Variants in CYP2F1 observed in about 807,000 individuals in gnomAD.
CYP2F1 encodes the protein cytochrome P450 2F1.
In CYP2F1, 33 loss-of-function variants were observed where a neutral mutation model predicts 40.4. That is an observed-to-expected ratio of 0.82 (90% CI 0.62 to 1.09). The LOEUF is 1.09. Ranked by LOEUF, CYP2F1 falls within the 50% of genes least tolerant of loss-of-function variation. The probability of loss-of-function intolerance (pLI) is 0.00; values close to 1 mark genes in which losing one functional copy is unlikely to be tolerated. For missense variants in CYP2F1, 566 were observed against 655.7 expected (o/e 0.86, Z 1.49); for synonymous variants, 235 against 277.2 (o/e 0.85, Z 1.51).
chr19:41,119,927 C>T (rs1476862834), intron 3 of CYP2F1, among the ~76,000 whole-genome samples: 4 of 151,376 alleles, frequency 2.6e-5, no homozygotes, highest in Non-Finnish European at 4.4e-5. Flanking sequence ...GGTAACAGAG[C>T]GAGACTGTGT....
intron 3 of CYP2F1, among the ~76,000 whole-genome samples, chr19:41,117,633 T>C (rs575998912): frequency 3.6e-4 from 55 of 152,108 alleles, no homozygotes; most frequent in Non-Finnish European, 6.3e-4. Context: ...CCCAACTCCA[T>C]CCACATCACC....
intron 9 of CYP2F1, 125 bp from the exon 10 acceptor site, chr19:41,127,776 G>A: frequency 1.4e-6 from 1 of 716,118 alleles, no homozygotes; most frequent in South Asian, 1.9e-5. Flanking sequence ...TCTTTACATG[G>A]GTGAATCTGT....
intron 3 of CYP2F1, among the ~76,000 whole-genome samples, chr19:41,116,844 C>T (rs534149886): frequency 1.3e-5 from 2 of 152,200 alleles, no homozygotes; most frequent in Non-Finnish European, 2.9e-5. Flanking sequence ...CACCACTCCT[C>T]ATCTCCATCC....
At position 41,116,499 on chromosome 19, in the gene CYP2F1, C is replaced by T. The variant is rs2031816764; in HGVS notation, c.216C>T (p.Pro72=). 1 of 1,613,946 alleles carries T rather than the reference C, an allele frequency of 6.2e-7. No individual in the cohort carries two copies. The highest frequency in any genetic ancestry group is 1.3e-5 in the African/African-American group (1 of 75,008). ...CCATGTACACAGTGCACCTGGGACC[C>T]AGGCGGGTGGTGGTCCTCAGCGGGT... ...YGSMYTVHLG[P]RRVVVLSGYQ... The change falls in exon 3 of 10, where the codon CCC becomes CCT. Residue 72 remains proline, a synonymous_variant. Transcript: ENST00000331105.
chr19:41,119,683 G>GTCTCCCTC (rs2032027580), intron 3 of CYP2F1, among the ~76,000 whole-genome samples: 1 of 13,410 alleles, frequency 7.5e-5, no homozygotes, highest in African/African-American at 2.6e-4. Context: ...GCAAGACTCC[G>GTCTCCCTC]TCTCTCTCTC....
At chr19:41,126,207 C>A (rs1599686078) in intron 9 of CYP2F1, among the ~76,000 whole-genome samples, 1 of 151,812 alleles carries the variant, frequency 6.6e-6, no homozygotes, top group South Asian at 2.1e-4. Context: ...GGGCAGATTA[C>A]CTGAAGTCAG....
chr19:41,123,518 C>T (rs2032358032), intron 7 of CYP2F1, among the ~76,000 whole-genome samples: 1 of 151,610 alleles, frequency 6.6e-6, no homozygotes, highest in Non-Finnish European at 1.5e-5. Flanking sequence ...ACACCCAGCT[C>T]TGCTTAGTTT....
intron 3 of CYP2F1, among the ~76,000 whole-genome samples, chr19:41,119,723 C>CTCTCTCTCTCTCTATA (rs1478574507): frequency 1.7e-4 from 6 of 35,820 alleles, no homozygotes; most frequent in Admixed American, 4.3e-4. Flanking sequence ...CTCTCTCTCT[C>CTCTCTCTCTCTCTATA]TATATATATA....
chr19:41,116,324 C>T lies in CYP2F1; in HGVS notation c.136C>T (p.Leu46Phe). The T allele has an allele frequency of 6.2e-7, 1 of 1,614,170 alleles. No individual in the cohort carries two copies. The highest frequency in any genetic ancestry group is 8.5e-7 in the Non-Finnish European group (1 of 1,180,020). ...CTCAATCCTGGGAAACCTGCTGCTG[C>T]TTTGCTCCCAAGACATGCTGACTTC... ...PLSILGNLLL[L>F]CSQDMLTSLT... Residue 46 changes from leucine to phenylalanine, a missense_variant, in exon 2 of 10, where the codon CTT becomes TTT. Physicochemically the swap from Leu to Phe is conservative, Grantham distance 22. This residue lies in a region of CYP2F1 where 264 missense variants were observed against 275.7 expected (regional missense o/e 0.96). Coordinates refer to ENST00000331105, the MANE Select transcript of CYP2F1 (RefSeq NM_000774.5).
At chr19:41,123,122 C>T (rs2032329835) in intron 7 of CYP2F1, 159 bp downstream of exon 7, 2 of 810,942 alleles carry the variant, frequency 2.5e-6, no homozygotes, top group Non-Finnish European at 2.1e-6. Context: ...CCGATCCCAC[C>T]ACATGGCCCA....
In CYP2F1 at chr19:41,122,920, G is replaced by A; in HGVS notation, c.921G>A (p.Leu307=). ...GCACCAAGACGGTGAGCACCACGCT[G>A]CACCACGCCTTCCTGGCACTCATGA... ...FGGTKTVSTT[L]HHAFLALMKY... Residue 307 remains leucine, a synonymous_variant, in exon 7 of 10, where the codon CTG becomes CTA. Transcript: ENST00000331105. 1.2e-6 allele frequency: 2 copies of A among 1,612,892 alleles called. No homozygotes were observed. Among genetic ancestry groups the A allele is most frequent in the Non-Finnish European group, 1.7e-6 (2 of 1,179,380 alleles).
In CYP2F1 at chr19:41,125,554, C is replaced by T. The variant is rs756718414; in HGVS notation, c.1214C>T (p.Pro405Leu). The stretch of plus-strand genomic sequence containing the variant: ...TACGACCCCAGCCAGTTCCTGACGC[C>T]CCAGGAGTTCAACCCCGAGCATTTT... ...VHYDPSQFLT[P>L]QEFNPEHFLD... is the part of the protein sequence containing the mutation. Residue 405 changes from proline (P) to leucine (L), a missense_variant, in exon 9 of 10, where the codon CCC becomes CTC. Transcript: ENST00000331105. 8 of 1,604,812 alleles carry T rather than the reference C, an allele frequency of 5.0e-6. No homozygotes were observed. Among genetic ancestry groups the T allele is most frequent in the Non-Finnish European group, 6.8e-6 (8 of 1,174,110 alleles).
At chr19:41,126,069 G>T (rs1410244463) in intron 9 of CYP2F1, among the ~76,000 whole-genome samples, 2 of 151,974 alleles carry the variant, frequency 1.3e-5, no homozygotes, top group Non-Finnish European at 2.9e-5. Context: ...GGAGGCGGAG[G>T]TTGCAGTGAG....
At position 41,120,371 on chromosome 19, in the gene CYP2F1, G is replaced by A. The variant is rs1437375337; in HGVS notation, c.359G>A (p.Arg120Gln). The A allele has an allele frequency of 1.5e-5, 24 of 1,609,284 alleles. No homozygotes were observed. Among genetic ancestry groups the A allele is most frequent in the Non-Finnish European group, 2.0e-5 (24 of 1,178,338 alleles). Reference protein sequence around the residue: ...GNGIAFSSGDRWKVLRQFSIQ... With the variant: ...GNGIAFSSGDQWKVLRQFSIQ... Reference sequence around the variant, plus strand: ...GGCATCGCCTTCTCCAGTGGGGATCGATGGAAGGTCCTGAGACAGTTCTCT... The same window carrying A: ...GGCATCGCCTTCTCCAGTGGGGATCAATGGAAGGTCCTGAGACAGTTCTCT... Residue 120 changes from arginine (R) to glutamine (Q), a missense_variant, in exon 4 of 10, where the codon CGA (arginine) becomes CAA (glutamine). Physicochemically the swap from Arg to Gln is conservative, Grantham distance 43. Coordinates refer to ENST00000331105, the MANE Select transcript of CYP2F1 (RefSeq NM_000774.5).
chr19:41,119,727 A>C (rs1232223753), intron 3 of CYP2F1, among the ~76,000 whole-genome samples: 547 of 35,290 alleles, frequency 0.016, 10 homozygotes, highest in African/African-American at 0.039. Flanking sequence ...CTCTCTCTAT[A>C]TATATATATA....
At chr19:41,114,770 T>TTCTCTC (rs201163201) in intron 1 of CYP2F1, among the ~76,000 whole-genome samples, 2 of 134,744 alleles carry the variant, frequency 1.5e-5, no homozygotes, top group Non-Finnish European at 3.1e-5. Flanking sequence ...CTCCGTCTCT[T>TTCTCTC]TCTCTCTCTC....
chr19:41,124,614 G>C, intron 7 of CYP2F1, 105 bp from the exon 8 acceptor site: 1 of 1,084,212 alleles, frequency 9.2e-7, no homozygotes, highest in South Asian at 1.6e-5. Flanking sequence ...CGCGCTGGGA[G>C]ACTTTGACTA....
At chr19:41,119,029 G>C (rs2031983845) in intron 3 of CYP2F1, among the ~76,000 whole-genome samples, 1 of 152,128 alleles carries the variant, frequency 6.6e-6, no homozygotes, top group Non-Finnish European at 1.5e-5. Flanking sequence ...GGCTGGGATG[G>C]GGGAAGCCTG....
rs80125943 is a variant in CYP2F1 at position 41,116,984 on chromosome 19, C to T, written c.334+367C>T. On this transcript the variant is annotated intron_variant, in intron 3 of 9. Coordinates refer to ENST00000331105, the MANE Select transcript of CYP2F1 (RefSeq NM_000774.5). ...AATCCCAGTCCCCATCAACCTTTCC[C>T]CAGTGTTCACCACATCAGCCCCACC... Among the ~76,000 whole-genome samples the T allele has an allele frequency of 6.2e-4, 95 of 152,104 alleles. No homozygotes were observed. In the East Asian group the frequency reaches 0.014, roughly 23 times the overall value.
Sources: gnomAD v4.1 joint callset for allele counts (sites outside exome capture counted in the v4.1 genomes callset) on GRCh38, gnomAD v4.1.1 for gene constraint, gnomAD v4.1.1 regional missense constraint, MANE v1.5 for transcripts, NCBI Gene and HGNC (gene_info 2026-07-23, HGNC 2026-07-21) for gene names.